Variants in GRM8 observed in about 807,000 individuals in gnomAD.
The protein encoded by GRM8 is metabotropic glutamate receptor 8.
A neutral mutation model predicts 87.2 loss-of-function variants in GRM8; 47 were observed. The observed-to-expected ratio is 0.54, with a 90% CI of 0.43 to 0.69. The LOEUF is 0.69. GRM8 is among the 30% of genes least tolerant of loss of function. The pLI, the probability that GRM8 is intolerant of heterozygous loss-of-function variation, is 0.00. For missense variants in GRM8, 1,019 were observed against 1,139.2 expected, an observed-to-expected ratio of 0.89 and a Z score of 1.52; for synonymous variants, 396 against 404.5, an observed-to-expected ratio of 0.98 and a Z score of 0.25.
chr7:126,955,126 GA>G (rs1808542315), intron 3 of GRM8, among the ~76,000 whole-genome samples: 1 of 152,146 alleles, frequency 6.6e-6, no homozygotes, highest in Non-Finnish European at 1.5e-5. Flanking sequence ...CAAAAATGAG[GA>G]AAAGGTGTAT....
chr7:127,077,102 C>A (rs1035369920), intron 3 of GRM8, among the ~76,000 whole-genome samples: 2 of 152,040 alleles, frequency 1.3e-5, no homozygotes, highest in Non-Finnish European at 1.5e-5. Flanking sequence ...TTTCCTAAGT[C>A]CAGGTCTTCA....
chr7:126,851,120 G>T (rs1167403090), intron 6 of GRM8, among the ~76,000 whole-genome samples: 2 of 151,996 alleles, frequency 1.3e-5, no homozygotes, highest in Admixed American at 6.6e-5. Flanking sequence ...TCTTTGTTTA[G>T]ATAACTCCAT....
intron 7 of GRM8, among the ~76,000 whole-genome samples, chr7:126,633,754 G>A (rs145605882): frequency 0.013 from 1,798 of 139,756 alleles, 31 homozygotes; most frequent in African/African-American, 0.042. Context: ...GGTACATATA[G>A]AATGTTCATA....
intron 6 of GRM8, among the ~76,000 whole-genome samples, chr7:126,838,694 T>C (rs1796011640): frequency 1.3e-5 from 2 of 152,186 alleles, no homozygotes; most frequent in African/African-American, 2.4e-5. Context: ...AGATCTGTAG[T>C]TACTAACAAA....
chr7:127,063,195 G>A (rs1257231618), intron 3 of GRM8, among the ~76,000 whole-genome samples: 1 of 152,152 alleles, frequency 6.6e-6, no homozygotes, highest in African/African-American at 2.4e-5. Context: ...AGAGCTTGCA[G>A]TGAGCCGAGA....
At chr7:126,859,468 T>C (rs1269964466) in intron 6 of GRM8, among the ~76,000 whole-genome samples, 1 of 152,180 alleles carries the variant, frequency 6.6e-6, no homozygotes, top group African/African-American at 2.4e-5. Context: ...GAAGTTTTTG[T>C]GTATGTGCAG....
At chr7:127,160,055 A>G (rs1793002578) in intron 2 of GRM8, among the ~76,000 whole-genome samples, 2 of 152,220 alleles carry the variant, frequency 1.3e-5, no homozygotes. Context: ...TTGCCTAAGC[A>G]TAAGAAAACT....
chr7:127,181,444 A>G (rs1794428138), intron 2 of GRM8, among the ~76,000 whole-genome samples: 1 of 151,980 alleles, frequency 6.6e-6, no homozygotes, highest in Non-Finnish European at 1.5e-5. Flanking sequence ...TACATTCAAC[A>G]CATTCCCCAT....
Position 126,769,967 on chromosome 7 carries a change from T to C in GRM8, c.1255A>G (p.Met419Val), listed in dbSNP as rs770653104. ...TATCCAGGGCAGAGATCTTTGTGCA[T>C]ATTGTGCAGGGCGTAAGCCATGGAA... is the stretch of plus-strand genomic sequence containing the variant. Reference protein sequence around the residue: ...VYSMAYALHNMHKDLCPGYIG... With the variant: ...VYSMAYALHNVHKDLCPGYIG... Residue 419 changes from methionine (M) to valine (V), a missense_variant, in exon 7 of 11, where the codon ATG becomes GTG. Met to Val is a conservative substitution (Grantham distance 21). Coordinates refer to ENST00000339582, the MANE Select transcript of GRM8 (RefSeq NM_000845.3). The C allele has an allele frequency of 1.2e-6, 2 of 1,612,298 alleles. No individual in the cohort carries two copies. The highest frequency in any genetic ancestry group is 1.1e-5 in the South Asian group (1 of 91,028).
At chr7:126,521,922 T>C (rs940993968) in intron 9 of GRM8, among the ~76,000 whole-genome samples, 1 of 152,204 alleles carries the variant, frequency 6.6e-6, no homozygotes, top group African/African-American at 2.4e-5. Flanking sequence ...ATCTACCAGA[T>C]ACTCATGCTG....
intron 2 of GRM8, among the ~76,000 whole-genome samples, chr7:127,215,603 T>C (rs982316281): frequency 6.6e-6 from 1 of 152,232 alleles, no homozygotes; most frequent in Non-Finnish European, 1.5e-5. Context: ...ACCACCCTGG[T>C]GTCAGCTCTC....
At chr7:127,084,427 G>A (rs1823237863) in intron 3 of GRM8, 1 of 152,138 alleles carries the variant, frequency 6.6e-6, no homozygotes, top group African/African-American at 2.4e-5. Flanking sequence ...TGAAATGTGG[G>A]AGTAGACGAA....
chr7:126,654,204 A>G (rs1320265424), intron 7 of GRM8, among the ~76,000 whole-genome samples: 1 of 152,160 alleles, frequency 6.6e-6, no homozygotes, highest in Non-Finnish European at 1.5e-5. Flanking sequence ...AGACCAACTC[A>G]TGGTCTTTCT....
At chr7:126,954,195 G>T (rs918731721) in intron 3 of GRM8, among the ~76,000 whole-genome samples, 1 of 152,216 alleles carries the variant, frequency 6.6e-6, no homozygotes, top group Non-Finnish European at 1.5e-5. Context: ...CACACCCTTA[G>T]AAATATCAAA....
At chr7:126,929,009 A>T (rs1011189393) in intron 3 of GRM8, among the ~76,000 whole-genome samples, 3 of 152,196 alleles carry the variant, frequency 2.0e-5, no homozygotes, top group Non-Finnish European at 4.4e-5. Context: ...AAAGGTGTTG[A>T]TGCATTTAAT....
chr7:126,722,629 T>C (rs1257570631), intron 7 of GRM8, among the ~76,000 whole-genome samples: 1 of 152,140 alleles, frequency 6.6e-6, no homozygotes, highest in African/African-American at 2.4e-5. Flanking sequence ...GAGCAGCTAA[T>C]GCTACCCTTT....
chr7:127,216,531 A>C (rs1796557382), intron 2 of GRM8, among the ~76,000 whole-genome samples: 1 of 150,342 alleles, frequency 6.7e-6, no homozygotes, highest in African/African-American at 2.4e-5. Flanking sequence ...AAAAAAAAAA[A>C]AAACAAAAAA....
At chr7:126,557,211 A>T (rs932283837) in intron 8 of GRM8, among the ~76,000 whole-genome samples, 3 of 152,238 alleles carry the variant, frequency 2.0e-5, no homozygotes, top group African/African-American at 7.2e-5. Context: ...GAGTATATTT[A>T]AGAAGAAAAC....
intron 1 of GRM8, among the ~76,000 whole-genome samples, chr7:127,249,002 T>C (rs1397818195): frequency 6.6e-6 from 1 of 152,204 alleles, no homozygotes; most frequent in Non-Finnish European, 1.5e-5. Context: ...TCTCCTGTTG[T>C]GAAAACAAGA....
Sources: gnomAD v4.1 joint callset for allele counts (sites outside exome capture counted in the v4.1 genomes callset) on GRCh38, gnomAD v4.1.1 for gene constraint, MANE v1.5 for transcripts, NCBI Gene and HGNC (gene_info 2026-07-23, HGNC 2026-07-21) for gene names.